Variants in DNMT1 observed in about 807,000 individuals in gnomAD.
DNMT1 encodes DNA (cytosine-5)-methyltransferase 1.
In DNMT1, 24 loss-of-function variants were observed where a neutral mutation model predicts 205.3. The ratio of observed to expected loss-of-function variants is 0.12; its 90% CI spans 0.08 to 0.16. The LOEUF is 0.16. Ranked by LOEUF, DNMT1 falls within the 10% of genes least tolerant of loss-of-function variation. The pLI, the probability that DNMT1 is intolerant of heterozygous loss-of-function variation, is 1.00. For synonymous variants in DNMT1, 817 were observed against 839.8 expected (o/e 0.97, Z 0.47); for missense variants, 1,293 against 2,177.7 (o/e 0.59, Z 8.09).
In DNMT1 at chr19:10,142,045, G is replaced by A. The variant is rs1316623288; in HGVS notation, c.3292C>T (p.Arg1098Cys). ...VQVYSMGGPN[R>C]FYFLEAYNAK... The stretch of plus-strand genomic sequence containing the variant: ...GGCACCACCTCGAGGAAGTAGAAGC[G>A]GTTGGGGCCGCCCATGGAGTACACC... Residue 1098 changes from arginine (R) to cysteine (C), a missense_variant, in exon 30 of 41, where the codon CGC becomes TGC. By Grantham distance (180) the Arg-to-Cys change is radical. Around this residue, in one of 13 missense-constraint regions of DNMT1, gnomAD observed 167 missense variants for 258.1 expected, o/e 0.65. Transcript: ENST00000359526. 9 of 1,612,372 alleles carry A rather than the reference G, an allele frequency of 5.6e-6. No homozygotes were observed. Among genetic ancestry groups the A allele is most frequent in the Non-Finnish European group, 6.8e-6 (8 of 1,178,772 alleles).
In DNMT1 at chr19:10,142,220, C is replaced by T. The variant is rs1599349559; in HGVS notation, c.3117G>A (p.Arg1039=). The change falls in exon 30 of 41, where the codon AGG becomes AGA. Residue 1039 remains arginine (R), a splice_region_variant and synonymous_variant. Coordinates refer to ENST00000359526, the MANE Select transcript of DNMT1 (RefSeq NM_001130823.3). ...GAGTGGACTTGTGGGTGTTCTCAGG[C>T]CTGCGAGCGGGAGAGGCCTCGTTAG... ...DIKIRVNKFY[R]PENTHKSTPA... is the part of the protein sequence containing the mutation. 6.2e-7 allele frequency: 1 copy of T among 1,613,896 alleles called. No homozygotes were observed. Among genetic ancestry groups the T allele is most frequent in the Non-Finnish European group, 8.5e-7 (1 of 1,180,020 alleles).
intron 13 of DNMT1, among the ~76,000 whole-genome samples, chr19:10,161,526 A>G (rs960548717): frequency 6.6e-6 from 1 of 152,128 alleles, no homozygotes; most frequent in Non-Finnish European, 1.5e-5. Context: ...ATCTGCCTGT[A>G]GTCCCAGCTA....
chr19:10,157,624 C>T (rs1404602791), intron 17 of DNMT1, among the ~76,000 whole-genome samples: 5 of 152,200 alleles, frequency 3.3e-5, no homozygotes, highest in Admixed American at 6.5e-5. Context: ...GAGCACCCTC[C>T]ACCACACTCA....
chr19:10,143,691 T>C (rs2089645888), intron 29 of DNMT1, 75 bp downstream of exon 29: 2 of 1,547,118 alleles, frequency 1.3e-6, no homozygotes, highest in Non-Finnish European at 1.8e-6. Flanking sequence ...GTGGGTGCTA[T>C]GCCACAACCT....
chr19:10,140,066 A>G lies in DNMT1; in HGVS notation c.3786T>C (p.Ser1262=), dbSNP rs1192714368. ...TTTACCTGAGGAAGGAAACCACCAGAGAGTTTTTGAACTTGGAGTAGGTGC... is the reference window on the plus strand; with the variant it reads ...TTTACCTGAGGAAGGAAACCACCAGGGAGTTTTTGAACTTGGAGTAGGTGC... The part of the protein sequence containing the change: ...NSRTYSKFKN[S]LVVSFLSYCD... The change falls in exon 33 of 41, where the codon TCT becomes TCC. Residue 1262 remains serine (S), a synonymous_variant. Coordinates refer to ENST00000359526, the MANE Select transcript of DNMT1 (RefSeq NM_001130823.3). This position sits in a 1 kb window ranked among gnomAD's most constrained non-coding sequence, Gnocchi z 8.4. 1.2e-6 allele frequency: 2 copies of G among 1,611,998 alleles called. No homozygotes were observed. The highest frequency in any genetic ancestry group is 1.6e-4 in the Middle Eastern group (1 of 6,062).
intron 28 of DNMT1, 100 bp from the exon 29 acceptor site, chr19:10,144,087 C>G (rs2089654080): frequency 8.3e-7 from 1 of 1,206,752 alleles, no homozygotes; most frequent in African/African-American, 1.5e-5. Context: ...AGTCAAGCAC[C>G]TGATGAATTA....
chr19:10,178,725 G>C (rs1173362911), intron 5 of DNMT1: 1 of 152,394 alleles, frequency 6.6e-6, no homozygotes, highest in African/African-American at 2.4e-5. Context: ...CTGGGCAACA[G>C]AGCGAGATTC....
intron 29 of DNMT1, 143 bp downstream of exon 29, chr19:10,143,623 A>C (rs2089644619): frequency 1.1e-6 from 1 of 940,382 alleles, no homozygotes; most frequent in South Asian, 1.3e-5. Context: ...ATCAGTGCCC[A>C]CCGATAATCA....
At position 10,155,110 on chromosome 19, in the gene DNMT1, A is replaced by G. The variant is rs1340639033; in HGVS notation, c.1493-54T>C. ...GGGGCTGGAATCTGATGGCGCCTAC[A>G]GTGGCCACAGGGCATGGAGGAGTCT... On this transcript the variant is annotated intron_variant, in intron 19 of 40. Transcript: ENST00000359526. 7 of 1,610,292 alleles carry G rather than the reference A, an allele frequency of 4.3e-6. No homozygotes were observed. In the African/African-American group the frequency reaches 8.0e-5, roughly 18 times the overall value.
At chr19:10,149,154 T>C in intron 26 of DNMT1, 137 bp from the exon 27 acceptor site, 1 of 1,271,868 alleles carries the variant, frequency 7.9e-7, no homozygotes. Context: ...TGAAACCCCG[T>C]CTCTACTAAA....
chr19:10,141,182 T>A lies in DNMT1; in HGVS notation c.3317A>T (p.Asn1106Ile). The A allele has an allele frequency of 6.2e-7, 1 of 1,613,974 alleles. No individual in the cohort carries two copies. Among genetic ancestry groups the A allele is most frequent in the Non-Finnish European group, 8.5e-7 (1 of 1,180,002 alleles). ...PNRFYFLEAY[N>I]AKSKSFEDPP... The stretch of plus-strand genomic sequence containing the variant: ...ATCTTCAAAGCTTTTGCTCTTTGCA[T>A]TATAGGCCTGAAAAGGAGAGAACTG... Residue 1106 changes from asparagine (N) to isoleucine (I), a missense_variant, in exon 31 of 41, where the codon AAT becomes ATT. Coordinates refer to ENST00000359526, the MANE Select transcript of DNMT1 (RefSeq NM_001130823.3).
chr19:10,147,832 C>T (rs2038230862), intron 27 of DNMT1, among the ~76,000 whole-genome samples: 4 of 151,638 alleles, frequency 2.6e-5, no homozygotes, highest in East Asian at 2.0e-4. Context: ...AATAAAAGCT[C>T]GCCGGGCGCG....
chr19:10,149,737 G>A (rs541799777), intron 25 of DNMT1, 80 bp from the exon 26 acceptor site: 87 of 1,607,486 alleles, frequency 5.4e-5, no homozygotes, highest in Admixed American at 2.0e-4. Flanking sequence ...AGGAGCACTC[G>A]TCCTTTTCAG....
intron 9 of DNMT1, among the ~76,000 whole-genome samples, chr19:10,169,082 G>A (rs889320083): frequency 6.6e-6 from 1 of 151,960 alleles, no homozygotes; most frequent in African/African-American, 2.4e-5. Context: ...CGTCTGCCTT[G>A]GTCTCCCAAA....
chr19:10,168,730 C>T, intron 9 of DNMT1, among the ~76,000 whole-genome samples: 1 of 152,200 alleles, frequency 6.6e-6, no homozygotes, highest in East Asian at 1.9e-4. Context: ...CAGAAAGTAA[C>T]TTTATTATAA....
rs1223628628 is a variant in DNMT1 at position 10,151,851 on chromosome 19, A to C, written c.2020-4T>G. 1.2e-6 allele frequency: 2 copies of C among 1,613,956 alleles called. No homozygotes were observed. Among genetic ancestry groups the C allele is most frequent in the South Asian group, 1.1e-5 (1 of 91,076 alleles). ...CACACTCAGGCTGCTGACACACCTA[A>C]AAAATGGCATTAAAAAGGCAAATCA... On this transcript the variant is annotated splice_region_variant and splice_polypyrimidine_tract_variant and intron_variant, in intron 22 of 40. Transcript: ENST00000359526. The surrounding 1 kb of genome is among the most constrained non-coding windows in gnomAD (Gnocchi z 5.0).
Position 10,139,739 on chromosome 19 carries a change from G to A in DNMT1, c.3885C>T (p.Val1295=), listed in dbSNP as rs1444420807. 1.9e-6 allele frequency: 3 copies of A among 1,613,234 alleles called. No individual in the cohort carries two copies. The change falls in exon 34 of 41, where the codon GTC becomes GTT. Residue 1295 remains valine, a synonymous_variant. Transcript: ENST00000359526. ...CCAGGCAGCGGAGGGTGAGCTTCAG[G>A]ACCATGGAGCGCTTGAAGGAGACAA... The part of the protein sequence containing the change: ...RNFVSFKRSM[V]LKLTLRCLVR...
Position 10,137,674 on chromosome 19 carries a change from T to C in DNMT1, c.4293+158A>G. 9.4e-7 allele frequency: 1 copy of C among 1,066,816 alleles called. No homozygotes were observed. Among genetic ancestry groups the C allele is most frequent in the East Asian group, 2.6e-5 (1 of 38,838 alleles). The allele number at this position is 1,066,816 out of a possible 1,614,324, so 66.1% of individuals were successfully genotyped here. A position where few individuals can be genotyped will look rare whatever the true frequency, so the allele number is the denominator to read the frequency against. On this transcript the variant is annotated intron_variant, in intron 36 of 40. Coordinates refer to ENST00000359526, the MANE Select transcript of DNMT1 (RefSeq NM_001130823.3). This position sits in a 1 kb window ranked among gnomAD's most constrained non-coding sequence, Gnocchi z 6.4. ...GGAGCTCTGACACTTCCCATGACCATGCAAGAGAGACCAGGGGTCACACAA... is the reference window on the plus strand; with the variant it reads ...GGAGCTCTGACACTTCCCATGACCACGCAAGAGAGACCAGGGGTCACACAA...
intron 7 of DNMT1, among the ~76,000 whole-genome samples, chr19:10,175,092 C>T (rs78455710): frequency 0.15 from 19,655 of 129,090 alleles, 1,949 homozygotes; most frequent in East Asian, 0.44. Flanking sequence ...CATACACACA[C>T]ACACACACAC....
Sources: allele counts gnomAD v4.1 joint callset (sites outside exome capture counted in the v4.1 genomes callset), GRCh38; gene constraint gnomAD v4.1.1; regional missense constraint gnomAD v4.1.1; non-coding constraint Gnocchi (gnomAD v3.1); transcripts MANE v1.5; gene names NCBI Gene and HGNC (gene_info 2026-07-23, HGNC 2026-07-21).